Variants in XIRP2 observed in about 807,000 individuals in gnomAD.
XIRP2 encodes the protein xin actin-binding repeat-containing protein 2.
A neutral mutation model predicts 277.0 loss-of-function variants in XIRP2; 236 were observed. That is an observed-to-expected ratio of 0.85 (90% CI 0.77 to 0.95). The LOEUF is 0.95. Ranked by LOEUF, XIRP2 falls within the 40% of genes least tolerant of loss-of-function variation. XIRP2 has a pLI of 0.00. For missense variants in XIRP2, 4,640 were observed against 4,157.5 expected, an observed-to-expected ratio of 1.12 and a Z score of -3.19; for synonymous variants, 1,490 against 1,416.5, an observed-to-expected ratio of 1.05 and a Z score of -1.17.
At chr2:166,895,162 G>T (rs528339788) in intron 1 of XIRP2, among the ~76,000 whole-genome samples, 5 of 152,280 alleles carry the variant, frequency 3.3e-5, no homozygotes, top group Non-Finnish European at 5.9e-5. Flanking sequence ...AAGGAAAAAT[G>T]CAGAGTTTAC....
Position 167,044,335 on chromosome 2 carries a change from T to C in XIRP2, c.409-91574T>C, listed in dbSNP as rs142331915. On this transcript the variant is annotated intron_variant, in intron 2 of 10. Coordinates refer to ENST00000409195, the MANE Select transcript of XIRP2 (RefSeq NM_152381.6). ...AACATCCTACTGAATGGGTAATAAA[T>C]GGAAGCATTCCCCTTGAGAAGTGGG... Among the ~76,000 whole-genome samples, 416 of 152,178 alleles carry C rather than the reference T, an allele frequency of 2.7e-3. 1 individual carries two copies. The Middle Eastern group carries it at 0.041, about 15-fold the overall frequency.
chr2:167,140,079 T>C (rs1228938868), intron 3 of XIRP2, among the ~76,000 whole-genome samples: 2 of 152,116 alleles, frequency 1.3e-5, no homozygotes, highest in Admixed American at 1.3e-4. Flanking sequence ...AAAAGGCAAA[T>C]AGCAATAATT....
intron 3 of XIRP2, among the ~76,000 whole-genome samples, chr2:167,150,761 G>T (rs1055762023): frequency 6.6e-6 from 1 of 151,974 alleles, no homozygotes; most frequent in East Asian, 1.9e-4. Flanking sequence ...ATTATTTATA[G>T]TACTATGATT....
chr2:167,035,193 G>GGGT (rs1450894007), intron 2 of XIRP2, among the ~76,000 whole-genome samples: 1 of 152,122 alleles, frequency 6.6e-6, no homozygotes, highest in East Asian at 1.9e-4. Context: ...ACCAGGAGTG[G>GGGT]GGTGCTTGCT....
At chr2:167,162,385 A>T (rs113228222) in intron 3 of XIRP2, among the ~76,000 whole-genome samples, 1 of 152,174 alleles carries the variant, frequency 6.6e-6, no homozygotes, top group African/African-American at 2.4e-5. Context: ...AGTTTAATGG[A>T]CTGACAGTTC....
chr2:167,149,609 C>A (rs1399685863), intron 3 of XIRP2, among the ~76,000 whole-genome samples: 1 of 152,060 alleles, frequency 6.6e-6, no homozygotes, highest in Non-Finnish European at 1.5e-5. Context: ...TCATTATATA[C>A]ACAATTTATT....
chr2:166,921,519 C>G (rs964714550), intron 2 of XIRP2, among the ~76,000 whole-genome samples: 3 of 152,104 alleles, frequency 2.0e-5, no homozygotes, highest in East Asian at 1.9e-4. Context: ...TAAAAATACC[C>G]CTTTCATTCT....
chr2:167,234,119 G>A (rs937949854), intron 5 of XIRP2, among the ~76,000 whole-genome samples: 2 of 151,492 alleles, frequency 1.3e-5, no homozygotes, highest in African/African-American at 4.8e-5. Flanking sequence ...GCTAAAACTA[G>A]CATTGCTTAT....
chr2:166,965,462 G>C (rs146282517), intron 2 of XIRP2, among the ~76,000 whole-genome samples: 81 of 152,002 alleles, frequency 5.3e-4, no homozygotes, highest in Middle Eastern at 6.8e-3. Flanking sequence ...AGGTGATCAT[G>C]AATGAGCCTG....
At chr2:167,103,157 A>G (rs1360206005) in intron 2 of XIRP2, among the ~76,000 whole-genome samples, 1 of 152,090 alleles carries the variant, frequency 6.6e-6, no homozygotes, top group Non-Finnish European at 1.5e-5. Flanking sequence ...AAAGGAAGGA[A>G]GAAAGAAAGG....
chr2:167,058,678 A>T (rs540804618), intron 2 of XIRP2, among the ~76,000 whole-genome samples: 153 of 152,266 alleles, frequency 1.0e-3, no homozygotes, highest in Middle Eastern at 6.8e-3. Flanking sequence ...TTCAAGAAGG[A>T]GCATTGCAAG....
In XIRP2 at chr2:167,156,021, C is replaced by G. The variant is rs564668212; in HGVS notation, c.562+19959C>G. ...AATTGCTTCAAAGAGAATAAAATAC[C>G]TAGGAATCCAACTTACAAGGGATGT... is the stretch of plus-strand genomic sequence containing the variant. On this transcript the variant is annotated intron_variant, in intron 3 of 10. Coordinates refer to ENST00000409195, the MANE Select transcript of XIRP2 (RefSeq NM_152381.6). Among the ~76,000 whole-genome samples the G allele has an allele frequency of 8.8e-4, 132 of 150,408 alleles. 4 individuals are homozygous for G. Among genetic ancestry groups the G allele is most frequent in the African/African-American group, 3.1e-3 (125 of 40,670 alleles).
intron 5 of XIRP2, among the ~76,000 whole-genome samples, chr2:167,220,497 T>A (rs1216842362): frequency 6.6e-6 from 1 of 152,228 alleles, no homozygotes; most frequent in Non-Finnish European, 1.5e-5. Flanking sequence ...CACAAATATT[T>A]GTTCAAACAG....
intron 2 of XIRP2, among the ~76,000 whole-genome samples, chr2:166,908,752 T>G (rs1208034202): frequency 9.9e-5 from 15 of 152,258 alleles, no homozygotes; most frequent in Admixed American, 9.8e-4. Flanking sequence ...GCTTTAGGTC[T>G]GACATTTAAC....
chr2:166,893,487 T>C (rs1684161854), intron 1 of XIRP2, among the ~76,000 whole-genome samples: 1 of 152,174 alleles, frequency 6.6e-6, no homozygotes, highest in African/African-American at 2.4e-5. Flanking sequence ...TCATTGGTTC[T>C]GCATTGTCTT....
At position 167,244,196 on chromosome 2, in the gene XIRP2, T is replaced by C; in HGVS notation, c.2804T>C (p.Val935Ala). The C allele has an allele frequency of 6.2e-7, 1 of 1,613,422 alleles. No homozygotes were observed. Among genetic ancestry groups the C allele is most frequent in the East Asian group, 2.2e-5 (1 of 44,824 alleles). ...GATAAAAAGGAGTACACACGAACAG[T>C]GAAACTTGAAGAAGTTGACAGAGGA... is the stretch of plus-strand genomic sequence containing the variant. ...RKDKKEYTRTVKLEEVDRGDV... is the reference protein window; with the variant it reads ...RKDKKEYTRTAKLEEVDRGDV... The change falls in exon 9 of 11, where the codon GTG becomes GCG. Residue 935 changes from valine (V) to alanine (A), a missense_variant. Transcript: ENST00000409195.
intron 3 of XIRP2, among the ~76,000 whole-genome samples, chr2:167,155,500 T>C (rs1692165922): frequency 6.6e-6 from 1 of 152,024 alleles, no homozygotes; most frequent in Non-Finnish European, 1.5e-5. Flanking sequence ...AAAAACCACA[T>C]GATTATCTCA....
At chr2:167,139,073 T>C (rs972987779) in intron 3 of XIRP2, among the ~76,000 whole-genome samples, 1 of 150,850 alleles carries the variant, frequency 6.6e-6, no homozygotes, top group Middle Eastern at 3.5e-3. Flanking sequence ...TCTCAAAAAA[T>C]ATATATATAT....
chr2:167,243,335 G>A lies in XIRP2; in HGVS notation c.1943G>A (p.Arg648Lys). The change falls in exon 9 of 11, where the codon AGA becomes AAA. Residue 648 changes from arginine (R) to lysine (K), a missense_variant. By Grantham distance (26) the Arg-to-Lys change is conservative (BLOSUM62 2). Transcript: ENST00000409195. The part of the protein sequence containing the change: ...ENAEKIPELA[R>K]GDVCTARWMF... Reference sequence around the variant, plus strand: ...GCAGAGAAAATTCCTGAGCTAGCCAGAGGAGATGTCTGCACAGCTCGGTGG... The same window carrying A: ...GCAGAGAAAATTCCTGAGCTAGCCAAAGGAGATGTCTGCACAGCTCGGTGG... 1 of 1,614,112 alleles carries A rather than the reference G, an allele frequency of 6.2e-7. No individual in the cohort carries two copies. Among genetic ancestry groups the A allele is most frequent in the Non-Finnish European group, 8.5e-7 (1 of 1,179,988 alleles).
Sources: allele counts gnomAD v4.1 joint callset (sites outside exome capture counted in the v4.1 genomes callset), GRCh38; gene constraint gnomAD v4.1.1; transcripts MANE v1.5; gene names NCBI Gene and HGNC (gene_info 2026-07-23, HGNC 2026-07-21).